INPP4B: variants seen among roughly 807,000 people sequenced by gnomAD.
The protein encoded by INPP4B is inositol polyphosphate-4-phosphatase type II B, also known as inositol polyphosphate 4-phosphatase type II.
Under a neutral mutation model 122.5 loss-of-function variants are expected in INPP4B, and 55 were observed. That is an observed-to-expected ratio of 0.45 (90% confidence interval 0.36 to 0.56). The LOEUF is 0.56. Among genes scored for constraint, INPP4B ranks in the 20% least tolerant of loss-of-function variants. The pLI is 0.00. For missense variants in INPP4B, 1,000 were observed against 1,097.7 expected, an observed-to-expected ratio of 0.91 and a Z score of 1.26; for synonymous variants, 403 against 388.7, an observed-to-expected ratio of 1.04 and a Z score of -0.43.
intron 3 of INPP4B, among the ~76,000 whole-genome samples, chr4:142,452,922 T>A (rs952752521): frequency 2.0e-5 from 3 of 151,234 alleles, no homozygotes; most frequent in Non-Finnish European, 2.9e-5. Flanking sequence ...AAAAAAAAAA[T>A]GGAACACGAG....
rs75608650 is a variant in INPP4B, at chr4:142,559,360, T to C, written c.-190-96634A>G. On this transcript the variant is annotated intron_variant, in intron 2 of 25. Transcript: ENST00000262992. ...TTGTGGCTTGAGAATTATTCAAATT[T>C]AATTCTTAATATGTACCTTGTATTT... is the stretch of plus-strand genomic sequence containing the variant. Among the ~76,000 whole-genome samples the C allele has an allele frequency of 6.4e-3, 970 of 152,250 alleles. 24 individuals carry two copies. The highest frequency in any genetic ancestry group is 0.033 in the Admixed American group (498 of 15,286).
intron 2 of INPP4B, among the ~76,000 whole-genome samples, chr4:142,464,725 T>A (rs971601168): frequency 6.6e-6 from 1 of 152,014 alleles, no homozygotes. Context: ...GAAAATAATA[T>A]AGAAAAGTCA....
chr4:142,460,234 A>G (rs1304777260), intron 3 of INPP4B, among the ~76,000 whole-genome samples: 2 of 152,216 alleles, frequency 1.3e-5, no homozygotes, highest in Non-Finnish European at 2.9e-5. Context: ...GCCCAGAGTC[A>G]CACTAGAAAC....
chr4:142,421,667 C>G (rs146086709), intron 5 of INPP4B, among the ~76,000 whole-genome samples: 3 of 152,218 alleles, frequency 2.0e-5, no homozygotes, highest in East Asian at 3.9e-4. Context: ...AAAATGAGCT[C>G]TAGGATTTCA....
At chr4:142,414,985 C>T (rs10519658) in intron 5 of INPP4B, among the ~76,000 whole-genome samples, 3,081 of 152,226 alleles carry the variant, frequency 0.02, 90 homozygotes, top group African/African-American at 0.071. Context: ...TATTGTGAGT[C>T]GGTTCATGGA....
intron 12 of INPP4B, among the ~76,000 whole-genome samples, chr4:142,231,566 C>A (rs558217485): frequency 1.5e-3 from 230 of 152,200 alleles, no homozygotes; most frequent in Middle Eastern, 3.4e-3. Context: ...TTCTATATAA[C>A]ATTTTCTTAA....
At chr4:142,437,647 TCTGGC>T (rs527851593) in intron 3 of INPP4B, among the ~76,000 whole-genome samples, 49 of 152,224 alleles carry the variant, frequency 3.2e-4, no homozygotes, top group African/African-American at 1.2e-3. Flanking sequence ...GAATTTCATG[TCTGGC>T]CAAACTAAGC....
At chr4:142,725,200 T>C (rs766800949) in intron 2 of INPP4B, among the ~76,000 whole-genome samples, 2 of 152,130 alleles carry the variant, frequency 1.3e-5, no homozygotes, top group East Asian at 3.8e-4. Flanking sequence ...GTTTTCATAT[T>C]CTTAGAACAA....
At chr4:142,511,721 C>G (rs1202082615) in intron 2 of INPP4B, among the ~76,000 whole-genome samples, 1 of 151,938 alleles carries the variant, frequency 6.6e-6, no homozygotes, top group Non-Finnish European at 1.5e-5. Flanking sequence ...TCACGTGATT[C>G]CAATATGCAA....
intron 23 of INPP4B, among the ~76,000 whole-genome samples, chr4:142,092,559 G>A (rs1780075249): frequency 6.6e-6 from 1 of 152,122 alleles, no homozygotes; most frequent in African/African-American, 2.4e-5. Flanking sequence ...CCAAAGTGCT[G>A]GGATTACAGG....
chr4:142,474,578 T>C (rs1819497748), intron 2 of INPP4B, among the ~76,000 whole-genome samples: 1 of 152,136 alleles, frequency 6.6e-6, no homozygotes, highest in African/African-American at 2.4e-5. Flanking sequence ...CCTACTTCTG[T>C]GTGAACCTAG....
intron 21 of INPP4B, 47 bp from the exon 22 acceptor site, chr4:142,112,729 T>C: frequency 2.6e-6 from 4 of 1,561,270 alleles, no homozygotes; most frequent in Non-Finnish European, 3.5e-6. Context: ...TTATTTGTTT[T>C]GTGTTATTTT....
chr4:142,122,682 C>T (rs776491970), intron 20 of INPP4B, among the ~76,000 whole-genome samples: 17 of 152,018 alleles, frequency 1.1e-4, no homozygotes, highest in Non-Finnish European at 1.9e-4. Context: ...TCCAGATCAG[C>T]ACTCTCTAAC....
intron 2 of INPP4B, among the ~76,000 whole-genome samples, chr4:142,584,640 TCTA>T (rs200577149): frequency 0.014 from 2,143 of 152,246 alleles, 38 homozygotes; most frequent in African/African-American, 0.041. Context: ...GTACATATTA[TCTA>T]CATATGACAT....
In INPP4B at chr4:142,510,578, C is replaced by A. The variant is rs140762747; in HGVS notation, c.-190-47852G>T. ...GCTGGCTCAAAATATTTGTAGGTAGCTCAGATGCAAATTAATTTGGCTTAT... is the reference window on the plus strand; with the variant it reads ...GCTGGCTCAAAATATTTGTAGGTAGATCAGATGCAAATTAATTTGGCTTAT... On this transcript the variant is annotated intron_variant, in intron 2 of 25. Transcript: ENST00000262992. 3.8e-3 allele frequency among the ~76,000 whole-genome samples: 584 copies of A among 152,236 alleles called. 4 individuals carry two copies. The highest frequency in any genetic ancestry group is 0.013 in the African/African-American group (543 of 41,560).
At chr4:142,108,232 G>T in intron 22 of INPP4B, 42 bp from the exon 23 acceptor site, 1 of 980,978 alleles carries the variant, frequency 1.0e-6, no homozygotes, top group Non-Finnish European at 1.6e-6. Context: ...TTATAAAACG[G>T]TACCAAAAAG....
At chr4:142,786,193 G>C (rs537650373) in intron 1 of INPP4B, among the ~76,000 whole-genome samples, 20 of 152,128 alleles carry the variant, frequency 1.3e-4, no homozygotes, top group African/African-American at 4.6e-4. Flanking sequence ...TTGATTCTAG[G>C]ACTGAGGCAA....
intron 2 of INPP4B, among the ~76,000 whole-genome samples, chr4:142,645,890 A>T (rs1475805360): frequency 6.6e-6 from 1 of 152,182 alleles, no homozygotes; most frequent in Non-Finnish European, 1.5e-5. Flanking sequence ...AAAATGAAAG[A>T]TCCTTTTTAG....
At chr4:142,150,919 A>C (rs193159017) in intron 17 of INPP4B, among the ~76,000 whole-genome samples, 32 of 152,324 alleles carry the variant, frequency 2.1e-4, no homozygotes, top group African/African-American at 6.0e-4. Flanking sequence ...ATCAGAAAGA[A>C]TGTGAAGACT....
Sources: gnomAD v4.1 joint callset for allele counts (sites outside exome capture counted in the v4.1 genomes callset) on GRCh38, gnomAD v4.1.1 for gene constraint, MANE v1.5 for transcripts, NCBI Gene and HGNC (gene_info 2026-07-23, HGNC 2026-07-21) for gene names.